The following SLC35F3 variants were observed in gnomAD, a reference collection of about 807,000 sequenced individuals.
SLC35F3 encodes putative thiamine transporter SLC35F3.
Under a neutral mutation model 49.9 loss-of-function variants are expected in SLC35F3, and 25 were observed. The ratio of observed to expected loss-of-function variants is 0.50; its 90% CI spans 0.37 to 0.70. SLC35F3 has a LOEUF of 0.70. SLC35F3 is among the 30% of genes least tolerant of loss of function. The pLI is 0.00. For missense variants in SLC35F3, 525 were observed against 639.8 expected (o/e 0.82, Z 1.94); for synonymous variants, 275 against 265.4 (o/e 1.04, Z -0.35).
chr1:234,078,687 T>C (rs984859751), intron 2 of SLC35F3, among the ~76,000 whole-genome samples: 1 of 152,224 alleles, frequency 6.6e-6, no homozygotes, highest in Non-Finnish European at 1.5e-5. Flanking sequence ...TGCTTTGTGT[T>C]CTCTTTCTGA....
chr1:234,267,026 C>T (rs1308201688), intron 3 of SLC35F3, among the ~76,000 whole-genome samples: 15 of 138,864 alleles, frequency 1.1e-4, no homozygotes, highest in African/African-American at 3.8e-4. Flanking sequence ...GACCCTGCGG[C>T]CTTCCGCAGT....
At chr1:234,043,165 C>T (rs1664246280) in intron 2 of SLC35F3, among the ~76,000 whole-genome samples, 1 of 152,206 alleles carries the variant, frequency 6.6e-6, no homozygotes, top group Admixed American at 6.5e-5. Flanking sequence ...ATCACTTTGT[C>T]TCTCCTCCCC....
chr1:233,919,280 G>A (rs1351552233), intron 2 of SLC35F3, among the ~76,000 whole-genome samples: 3 of 152,108 alleles, frequency 2.0e-5, no homozygotes, highest in South Asian at 2.1e-4. Flanking sequence ...AGCACTTGTC[G>A]TTGCTGGCTT....
Position 234,055,731 on chromosome 1 carries a change from C to T in SLC35F3, c.283+149973C>T, listed in dbSNP as rs189793525. ...TGCAGAAATCACCCATCTTCTGCGTCGCTCACACTGGGAGCTGTAGACTGG... is the reference window on the plus strand; with the variant it reads ...TGCAGAAATCACCCATCTTCTGCGTTGCTCACACTGGGAGCTGTAGACTGG... On this transcript the variant is annotated intron_variant, in intron 2 of 7. Transcript: ENST00000366618. Among the ~76,000 whole-genome samples, 24 of 152,306 alleles carry T rather than the reference C, an allele frequency of 1.6e-4. 1 individual carries two copies. The highest frequency in any genetic ancestry group is 3.1e-4 in the Non-Finnish European group (21 of 68,028).
intron 3 of SLC35F3, among the ~76,000 whole-genome samples, chr1:234,286,575 G>T (rs976389490): frequency 6.6e-6 from 1 of 152,200 alleles, no homozygotes; most frequent in Admixed American, 6.5e-5. Context: ...TGCAATGACT[G>T]GATAATACTA....
At chr1:234,314,471 T>C (rs941859696) in intron 4 of SLC35F3, among the ~76,000 whole-genome samples, 2 of 152,112 alleles carry the variant, frequency 1.3e-5, no homozygotes, top group Non-Finnish European at 2.9e-5. Flanking sequence ...CAATAAAAGG[T>C]AGCTCCAGGC....
chr1:234,318,846 C>T lies in SLC35F3; in HGVS notation c.1050C>T (p.Cys350=). The T allele has an allele frequency of 6.2e-7, 1 of 1,614,160 alleles. No individual in the cohort carries two copies. Among genetic ancestry groups the T allele is most frequent in the Non-Finnish European group, 8.5e-7 (1 of 1,179,988 alleles). Residue 350 remains cysteine, a synonymous_variant, in exon 6 of 8, where the codon TGC becomes TGT. Transcript: ENST00000366618. ...LGVFNILFIT[C]IPIILYFTKV... is the part of the protein sequence containing the mutation. ...TGTTTAACATCCTCTTCATCACCTG[C>T]ATTCCTATTATCCTCTACTTTACCA...
chr1:234,299,780 G>A (rs1476047839), intron 3 of SLC35F3, among the ~76,000 whole-genome samples: 1 of 123,322 alleles, frequency 8.1e-6, no homozygotes, highest in African/African-American at 3.3e-5. Context: ...ACTCCAGCCT[G>A]AGCGATAGAG....
intron 3 of SLC35F3, among the ~76,000 whole-genome samples, chr1:234,286,261 AATCCATGCACAAGACAGCTATTGGC>A (rs568415831): frequency 8.7e-4 from 132 of 152,372 alleles, no homozygotes; most frequent in African/African-American, 3.1e-3. Flanking sequence ...CTGACTTCTA[AATCCATGCACAAGACAGCTATTGGC>A]TACAACTGGC....
chr1:234,266,356 C>T (rs1667978527), intron 3 of SLC35F3, among the ~76,000 whole-genome samples: 1 of 152,140 alleles, frequency 6.6e-6, no homozygotes. Context: ...AGTCTTGGAA[C>T]TCCAACTAAA....
intron 7 of SLC35F3, among the ~76,000 whole-genome samples, chr1:234,321,935 C>T (rs1211608700): frequency 6.6e-6 from 1 of 152,104 alleles, no homozygotes; most frequent in Non-Finnish European, 1.5e-5. Flanking sequence ...AATCCCAGCA[C>T]TTTGGGAGGC....
intron 2 of SLC35F3, among the ~76,000 whole-genome samples, chr1:234,204,264 A>C (rs1444238636): frequency 1.3e-5 from 2 of 152,190 alleles, no homozygotes; most frequent in African/African-American, 4.8e-5. Context: ...ATATATTATC[A>C]ACCTTCTAAA....
Position 234,145,193 on chromosome 1 carries a change from CTGTGAGTGGTACTGCATTA to C in SLC35F3, c.284-86222_284-86204del, listed in dbSNP as rs548886259. ...TTGAAGTTTTTACCGCACTGTCCCGCTGTGAGTGGTACTGCATTATAATAGACTCTTCTAGTACTTTCAG... is the reference window on the plus strand; with the variant it reads ...TTGAAGTTTTTACCGCACTGTCCCGCTAATAGACTCTTCTAGTACTTTCAG... On this transcript the variant is annotated intron_variant, in intron 2 of 7. Coordinates refer to ENST00000366618, the MANE Select transcript of SLC35F3 (RefSeq NM_173508.4). 4.9e-4 allele frequency among the ~76,000 whole-genome samples: 75 copies of C among 152,312 alleles called. 2 individuals are homozygous for C. In the East Asian group the frequency reaches 0.012, roughly 24 times the overall value.
intron 4 of SLC35F3, among the ~76,000 whole-genome samples, chr1:234,311,384 C>T (rs777404450): frequency 3.3e-5 from 5 of 152,202 alleles, no homozygotes; most frequent in Non-Finnish European, 7.3e-5. Context: ...GGTTGGCTGG[C>T]ACTGTCCATT....
chr1:233,931,826 A>G (rs927755463), intron 2 of SLC35F3, among the ~76,000 whole-genome samples: 4 of 152,206 alleles, frequency 2.6e-5, no homozygotes, highest in Non-Finnish European at 4.4e-5. Context: ...TCATGCTACT[A>G]TAAAGACACA....
At chr1:233,967,312 A>G (rs1662920505) in intron 2 of SLC35F3, among the ~76,000 whole-genome samples, 2 of 152,054 alleles carry the variant, frequency 1.3e-5, no homozygotes, top group South Asian at 4.1e-4. Flanking sequence ...TAAGAGCTTT[A>G]AAAAAGAAAA....
Position 234,318,888 on chromosome 1 carries a change from C to A in SLC35F3, c.1092C>A (p.Ser364Arg), listed in dbSNP as rs1657553207. The A allele has an allele frequency of 6.2e-7, 1 of 1,614,166 alleles. No individual in the cohort carries two copies. The change falls in exon 6 of 8, where the codon AGC becomes AGA. Residue 364 changes from serine to arginine, a missense_variant. Around this residue, in one of 4 missense-constraint regions of SLC35F3, gnomAD observed 216 missense variants for 298.1 expected, o/e 0.72. Coordinates refer to ENST00000366618, the MANE Select transcript of SLC35F3 (RefSeq NM_173508.4). The stretch of plus-strand genomic sequence containing the variant: ...ACTTTACCAAAGTGGAATACTGGAG[C>A]TCTTTTGATGACATTCCATGGGGAA... ...ILYFTKVEYW[S>R]SFDDIPWGNL...
At chr1:234,276,633 CAAG>C (rs1289058696) in intron 3 of SLC35F3, among the ~76,000 whole-genome samples, 2 of 151,784 alleles carry the variant, frequency 1.3e-5, no homozygotes, top group African/African-American at 4.9e-5. Context: ...GGGTAATTAA[CAAG>C]GAGGATTATG....
At chr1:234,036,142 T>G (rs541679633) in intron 2 of SLC35F3, among the ~76,000 whole-genome samples, 3 of 152,284 alleles carry the variant, frequency 2.0e-5, no homozygotes, top group Admixed American at 6.5e-5. Flanking sequence ...AGTGGCATGA[T>G]CATAGCTTAT....
Sources: allele counts gnomAD v4.1 joint callset (sites outside exome capture counted in the v4.1 genomes callset), GRCh38; gene constraint gnomAD v4.1.1; regional missense constraint gnomAD v4.1.1; transcripts MANE v1.5; gene names NCBI Gene and HGNC (gene_info 2026-07-23, HGNC 2026-07-21).